The following RHBDF2 variants were observed in gnomAD, a reference collection of about 807,000 sequenced individuals.
RHBDF2 encodes the protein rhomboid 5 homolog 2.
In RHBDF2, 38 loss-of-function variants were observed where a neutral mutation model predicts 95.2. That is an observed-to-expected ratio of 0.40 (90% CI 0.31 to 0.52). The LOEUF (loss-of-function observed/expected upper bound fraction) is 0.52, where lower values mean the gene tolerates loss of function less well. Among genes scored for constraint, RHBDF2 ranks in the 20% least tolerant of loss-of-function variants. RHBDF2 has a pLI of 0.56. For synonymous variants in RHBDF2, 442 were observed against 462.0 expected (o/e 0.96, Z 0.55); for missense variants, 863 against 1,137.7 (o/e 0.76, Z 3.47).
chr17:76,474,808 T>C lies in RHBDF2; in HGVS notation c.1228-4A>G. ...ACACACCTTTGTTCCGCAGCACCTA[T>C]CGTGGAGGTAGCACAGAGGAGGGCG... On this transcript the variant is annotated splice_polypyrimidine_tract_variant and splice_region_variant and intron_variant, in intron 10 of 18. Transcript: ENST00000675367. 1 of 1,613,172 alleles carries C rather than the reference T, an allele frequency of 6.2e-7. No homozygotes were observed. Among genetic ancestry groups the C allele is most frequent in the East Asian group, 2.2e-5 (1 of 44,834 alleles).
At chr17:76,498,355 G>A (rs975672543) in intron 1 of RHBDF2, among the ~76,000 whole-genome samples, 11 of 152,358 alleles carry the variant, frequency 7.2e-5, no homozygotes, top group African/African-American at 2.6e-4. Context: ...GAAATCCCCT[G>A]GGGCAGATGG....
intron 4 of RHBDF2, chr17:76,479,494 C>T (rs1487397722): frequency 3.8e-6 from 3 of 780,754 alleles, no homozygotes; most frequent in African/African-American, 1.7e-5. Context: ...CAGGCACCCC[C>T]ACACTGATCC....
rs11870168 is a variant in RHBDF2 at position 76,481,609 on chromosome 17, C to T, written c.-21-64G>A. ...GGGTGGCGCAGTGTCAGGACCCTGACGCCAGGGCACGCAGCCCAGACCAAG... is the reference window on the plus strand; with the variant it reads ...GGGTGGCGCAGTGTCAGGACCCTGATGCCAGGGCACGCAGCCCAGACCAAG... On this transcript the variant is annotated intron_variant, in intron 2 of 18. Transcript: ENST00000675367. The T allele has an allele frequency of 0.48, 692,464 of 1,438,216 alleles. 175,160 individuals are homozygous for T. The highest frequency in any genetic ancestry group is 0.53 in the Non-Finnish European group (568,588 of 1,067,436). The allele number at this position is 1,438,216 out of a possible 1,614,324, so 89.1% of individuals were successfully genotyped here.
chr17:76,489,071 A>G (rs1437402407), intron 1 of RHBDF2, among the ~76,000 whole-genome samples: 1 of 152,090 alleles, frequency 6.6e-6, no homozygotes, highest in Non-Finnish European at 1.5e-5. Flanking sequence ...GGTTGCAGTG[A>G]GCCGAGATCG....
intron 1 of RHBDF2, among the ~76,000 whole-genome samples, chr17:76,491,888 C>G (rs1424725239): frequency 6.6e-6 from 1 of 152,198 alleles, no homozygotes; most frequent in East Asian, 1.9e-4. Flanking sequence ...CTGGAGCTAC[C>G]CCACCCAGCA....
At chr17:76,487,473 A>T (rs1452902287) in intron 2 of RHBDF2, 2 of 149,114 alleles carry the variant, frequency 1.3e-5, no homozygotes, top group African/African-American at 5.0e-5. Context: ...CCAGTCTCGA[A>T]CTCCTGACCT....
chr17:76,484,784 T>C (rs969166219), intron 2 of RHBDF2, among the ~76,000 whole-genome samples: 5 of 152,160 alleles, frequency 3.3e-5, no homozygotes, highest in Non-Finnish European at 7.3e-5. Context: ...GGGCCCCTCA[T>C]TGTCTCAAAC....
intron 18 of RHBDF2, among the ~76,000 whole-genome samples, chr17:76,472,366 G>T (rs181614213): frequency 6.6e-6 from 1 of 152,354 alleles, no homozygotes; most frequent in Non-Finnish European, 1.5e-5. Context: ...CAGTCAGGTG[G>T]AACTGATCAG....
At chr17:76,498,132 G>T (rs755670417) in intron 1 of RHBDF2, among the ~76,000 whole-genome samples, 2 of 152,170 alleles carry the variant, frequency 1.3e-5, no homozygotes, top group African/African-American at 2.4e-5. Context: ...GCAAAACGAC[G>T]TTCCGGGCAG....
rs781719054 is a variant in RHBDF2 at position 76,477,160 on chromosome 17, G to T, written c.920+20C>A. On this transcript the variant is annotated intron_variant, in intron 8 of 18. Transcript: ENST00000675367. ...AGGCTGGTGGCTGGCCTGGAGGAGG[G>T]ACTCTGCCCCAGCACTCACAGAGGG... The T allele has an allele frequency of 1.9e-6, 3 of 1,611,308 alleles. No individual in the cohort carries two copies. The highest frequency in any genetic ancestry group is 3.3e-4 in the Middle Eastern group (2 of 6,046).
chr17:76,477,242 G>A lies in RHBDF2; in HGVS notation c.858C>T (p.Ser286=). The change falls in exon 8 of 19, where the codon AGC becomes AGT. Residue 286 remains serine, a synonymous_variant. Coordinates refer to ENST00000675367, the MANE Select transcript of RHBDF2 (RefSeq NM_001005498.4). The part of the protein sequence containing the change: ...DVFESPPLSA[S]YFRGIPHSAS... ...CTGAGTGTGGGATCCCTCGGAAGTAGCTGGCAGAGAGTGGGGGGGACTCAA... is the reference window on the plus strand; with the variant it reads ...CTGAGTGTGGGATCCCTCGGAAGTAACTGGCAGAGAGTGGGGGGGACTCAA... The A allele has an allele frequency of 2.5e-6, 4 of 1,608,312 alleles. No individual in the cohort carries two copies. The highest frequency in any genetic ancestry group is 2.5e-6 in the Non-Finnish European group (3 of 1,178,376).
intron 1 of RHBDF2, among the ~76,000 whole-genome samples, chr17:76,497,241 C>T (rs2074448212): frequency 6.6e-6 from 1 of 152,142 alleles, no homozygotes; most frequent in African/African-American, 2.4e-5. Flanking sequence ...CTTTACCCTG[C>T]TCCCAGCCCC....
rs1044193081 is a variant in RHBDF2 at position 76,474,061 on chromosome 17, A to C, written c.1546T>G (p.Ser516Ala). Reference sequence around the variant, plus strand: ...GGGTCCTGGTGGCAGACAGCCCCCGAAGTCCGCTTCTGGCCCAGATCAGAC... The same window carrying C: ...GGGTCCTGGTGGCAGACAGCCCCCGCAGTCCGCTTCTGGCCCAGATCAGAC... ...DKSDLGQKRT[S>A]GAVCHQDPRT... The change falls in exon 13 of 19, where the codon TCG becomes GCG. Residue 516 changes from serine to alanine, a missense_variant. Ser to Ala is a moderately conservative substitution (Grantham distance 99). Coordinates refer to ENST00000675367, the MANE Select transcript of RHBDF2 (RefSeq NM_001005498.4). The C allele has an allele frequency of 2.5e-6, 4 of 1,613,196 alleles. No homozygotes were observed. The African/African-American group carries it at 5.3e-5, about 22-fold the overall frequency.
At chr17:76,486,195 C>T (rs1049277469) in intron 2 of RHBDF2, among the ~76,000 whole-genome samples, 4 of 152,146 alleles carry the variant, frequency 2.6e-5, no homozygotes, top group Non-Finnish European at 5.9e-5. Flanking sequence ...TGCCAACCTC[C>T]ACTTCCCAGG....
At chr17:76,490,985 A>T (rs2074283524) in intron 1 of RHBDF2, among the ~76,000 whole-genome samples, 1 of 151,942 alleles carries the variant, frequency 6.6e-6, no homozygotes, top group African/African-American at 2.4e-5. Flanking sequence ...GGCTAACTGA[A>T]TGGGAAGCTA....
chr17:76,494,080 G>A (rs1324187112), intron 1 of RHBDF2, among the ~76,000 whole-genome samples: 2 of 152,122 alleles, frequency 1.3e-5, no homozygotes, highest in African/African-American at 2.4e-5. Flanking sequence ...CCAGGGAGCC[G>A]CCAAGATCAG....
intron 1 of RHBDF2, among the ~76,000 whole-genome samples, chr17:76,492,853 CAG>C (rs1410737076): frequency 6.6e-6 from 1 of 152,100 alleles, no homozygotes; most frequent in African/African-American, 2.4e-5. Flanking sequence ...AATGGGGACA[CAG>C]GGGTGGGACG....
intron 3 of RHBDF2, among the ~76,000 whole-genome samples, chr17:76,480,614 G>A (rs951759186): frequency 2.0e-5 from 3 of 152,080 alleles, no homozygotes; most frequent in African/African-American, 2.4e-5. Context: ...TCGAACTCCT[G>A]GGCTCAAGTG....
At chr17:76,482,197 G>A (rs141148007) in intron 2 of RHBDF2, among the ~76,000 whole-genome samples, 1 of 151,790 alleles carries the variant, frequency 6.6e-6, no homozygotes, top group Non-Finnish European at 1.5e-5. Flanking sequence ...ACCCTGAAAA[G>A]AGCATGAAGA....
Sources: allele counts gnomAD v4.1 joint callset (sites outside exome capture counted in the v4.1 genomes callset), GRCh38; gene constraint gnomAD v4.1.1; transcripts MANE v1.5; gene names NCBI Gene and HGNC (gene_info 2026-07-23, HGNC 2026-07-21).